AK7: variants seen among roughly 807,000 people sequenced by gnomAD.
AK7 encodes adenylate kinase 7.
AK7 carries 78 observed loss-of-function variants against 96.6 expected under a neutral mutation model. That is an observed-to-expected ratio of 0.81 (90% CI 0.67 to 0.97). AK7 has a LOEUF of 0.97. Among genes scored for constraint, AK7 ranks in the 50% least tolerant of loss-of-function variants. The pLI, the probability that AK7 is intolerant of heterozygous loss-of-function variation, is 0.00. For missense variants in AK7, 855 were observed against 887.9 expected (o/e 0.96, Z 0.47); for synonymous variants, 302 against 317.2 (o/e 0.95, Z 0.51).
intron 13 of AK7, among the ~76,000 whole-genome samples, chr14:96,472,358 T>C (rs1894944704): frequency 6.6e-6 from 1 of 152,232 alleles, no homozygotes; most frequent in Admixed American, 6.5e-5. Context: ...TTTCACCCTG[T>C]TGCCAGGTTG....
At chr14:96,442,430 G>A (rs1466683616) in intron 6 of AK7, among the ~76,000 whole-genome samples, 2 of 152,166 alleles carry the variant, frequency 1.3e-5, no homozygotes, top group Non-Finnish European at 2.9e-5. Flanking sequence ...TAGATTTCTT[G>A]AAAAGTATTT....
Position 96,489,158 on chromosome 14 carries a change from G to A in AK7, c.*815G>A, listed in dbSNP as rs916261545. The A allele has an allele frequency of 1.3e-5, 2 of 152,064 alleles. No homozygotes were observed. Among genetic ancestry groups the A allele is most frequent in the Non-Finnish European group, 2.9e-5 (2 of 68,002 alleles). 9.4% of individuals were successfully genotyped at this position (152,064 alleles called of 1,614,324 possible). Reference sequence around the variant, plus strand: ...ATAATGTAACCTAATATAACTGCCCGACTTTTTATTTGTGCTAAAATACAT... The same window carrying A: ...ATAATGTAACCTAATATAACTGCCCAACTTTTTATTTGTGCTAAAATACAT... On this transcript the variant is annotated 3_prime_UTR_variant, in exon 18 of 18. Coordinates refer to ENST00000267584, the MANE Select transcript of AK7 (RefSeq NM_152327.5).
intron 5 of AK7, among the ~76,000 whole-genome samples, chr14:96,434,422 GTCTCTCTCTCTCTCTCTCTC>G (rs3077780): frequency 1.3e-5 from 2 of 149,440 alleles, no homozygotes; most frequent in South Asian, 2.2e-4. Flanking sequence ...CTGTCTGTCT[GTCTCTCTCTCTCTCTCTCTC>G]TCTCTCTCTC....
intron 10 of AK7, among the ~76,000 whole-genome samples, chr14:96,452,190 C>T (rs534368576): frequency 2.0e-5 from 3 of 152,278 alleles, no homozygotes; most frequent in South Asian, 4.1e-4. Context: ...AATATGTAGA[C>T]ATTGTGGAAT....
At chr14:96,434,399 A>G (rs1166793654) in intron 5 of AK7, among the ~76,000 whole-genome samples, 5 of 149,242 alleles carry the variant, frequency 3.4e-5, no homozygotes, top group Non-Finnish European at 5.9e-5. Flanking sequence ...ATCTCTCCAA[A>G]TATACAGTCT....
At chr14:96,431,531 C>A (rs1411850400) in intron 5 of AK7, among the ~76,000 whole-genome samples, 1 of 152,212 alleles carries the variant, frequency 6.6e-6, no homozygotes, top group Non-Finnish European at 1.5e-5. Context: ...AGTAGTCATT[C>A]AGGAGCAGGT....
chr14:96,401,878 C>A (rs927074356), intron 2 of AK7, among the ~76,000 whole-genome samples: 7 of 152,082 alleles, frequency 4.6e-5, no homozygotes, highest in African/African-American at 1.7e-4. Context: ...TCTCTTAGTC[C>A]ATTGAATCTC....
At chr14:96,412,774 C>T (rs1230884393) in intron 4 of AK7, among the ~76,000 whole-genome samples, 1 of 148,362 alleles carries the variant, frequency 6.7e-6, no homozygotes, top group Non-Finnish European at 1.5e-5. Flanking sequence ...ACCGTGTTGG[C>T]CAGGCTGGTC....
In AK7 at chr14:96,479,347, G is replaced by A. The variant is rs554382902; in HGVS notation, c.1753+685G>A. Among the ~76,000 whole-genome samples, 608 of 151,478 alleles carry A rather than the reference G, an allele frequency of 4.0e-3. 7 individuals carry two copies. Among genetic ancestry groups the A allele is most frequent in the African/African-American group, 0.014 (589 of 41,214 alleles). On this transcript the variant is annotated intron_variant, in intron 15 of 17. Coordinates refer to ENST00000267584, the MANE Select transcript of AK7 (RefSeq NM_152327.5). ...CCGCCTCGGCCTCCCAAAGTACTGG[G>A]ATTATAGGTGTGAGCCACCGTGCCT...
intron 5 of AK7, chr14:96,424,094 C>T (rs993580693): frequency 8.8e-5 from 60 of 679,990 alleles, no homozygotes; most frequent in Middle Eastern, 4.1e-4. Flanking sequence ...TGGGTGGGAT[C>T]GGGCACGGTG....
chr14:96,409,055 A>G, intron 4 of AK7, 114 bp downstream of exon 4: 3 of 1,007,674 alleles, frequency 3.0e-6, no homozygotes, highest in Admixed American at 2.5e-5. Flanking sequence ...CCTGAATCCT[A>G]TCCCATAATA....
intron 4 of AK7, among the ~76,000 whole-genome samples, chr14:96,413,627 G>T (rs1236846728): frequency 6.6e-6 from 1 of 152,170 alleles, no homozygotes; most frequent in Non-Finnish European, 1.5e-5. Flanking sequence ...CCTACACCCT[G>T]CCCACATCTT....
chr14:96,463,628 G>A (rs1200103259), intron 12 of AK7, among the ~76,000 whole-genome samples: 1 of 150,828 alleles, frequency 6.6e-6, no homozygotes, highest in Non-Finnish European at 1.5e-5. Flanking sequence ...GCTGAGGCAG[G>A]AGAATGGTGT....
intron 10 of AK7, among the ~76,000 whole-genome samples, chr14:96,453,233 T>C (rs997109578): frequency 1.8e-4 from 28 of 152,176 alleles, no homozygotes; most frequent in African/African-American, 6.8e-4. Flanking sequence ...TCCTGAGATA[T>C]ACACCAACCC....
chr14:96,444,902 G>A (rs1386589854), intron 7 of AK7, among the ~76,000 whole-genome samples: 2 of 152,094 alleles, frequency 1.3e-5, no homozygotes, highest in Non-Finnish European at 2.9e-5. Context: ...ATTTTTAGTA[G>A]AGACAGGGTT....
chr14:96,435,330 G>T (rs531711100), intron 5 of AK7, among the ~76,000 whole-genome samples: 9 of 152,242 alleles, frequency 5.9e-5, no homozygotes, highest in African/African-American at 1.9e-4. Context: ...GCCGAGACTA[G>T]GTCCTTTCCT....
intron 13 of AK7, among the ~76,000 whole-genome samples, chr14:96,472,402 G>T (rs1030054699): frequency 6.6e-6 from 1 of 152,212 alleles, no homozygotes; most frequent in African/African-American, 2.4e-5. Flanking sequence ...TGATCCTACT[G>T]CCTTGGCCTC....
At chr14:96,476,895 C>T (rs1895217384) in intron 14 of AK7, among the ~76,000 whole-genome samples, 1 of 152,126 alleles carries the variant, frequency 6.6e-6, no homozygotes, top group Non-Finnish European at 1.5e-5. Context: ...CATACATTTT[C>T]TAACAAATGA....
At chr14:96,434,422 GTCTC>G (rs3077780) in intron 5 of AK7, among the ~76,000 whole-genome samples, 1,560 of 149,378 alleles carry the variant, frequency 0.01, 16 homozygotes, top group South Asian at 0.01. Context: ...CTGTCTGTCT[GTCTC>G]TCTCTCTCTC....
Sources: allele counts gnomAD v4.1 joint callset (sites outside exome capture counted in the v4.1 genomes callset), GRCh38; gene constraint gnomAD v4.1.1; transcripts MANE v1.5; gene names NCBI Gene and HGNC (gene_info 2026-07-23, HGNC 2026-07-21).